The following CCL28 variants were observed in gnomAD, a reference collection of about 807,000 sequenced individuals.
The protein encoded by CCL28 is C-C motif chemokine 28.
In CCL28, 4 loss-of-function variants were observed where a neutral mutation model predicts 7.1. The ratio of observed to expected loss-of-function variants is 0.56; its 90% CI spans 0.28 to 1.29. CCL28 has a LOEUF of 1.29. Ranked by LOEUF, CCL28 falls within the 50% of genes most tolerant of loss-of-function variation. The pLI is 0.11. For missense variants in CCL28, 151 were observed against 163.4 expected (o/e 0.92, Z 0.41); for synonymous variants, 55 against 57.8 (o/e 0.95, Z 0.22).
intron 1 of CCL28, among the ~76,000 whole-genome samples, chr5:43,407,468 C>G (rs1449580709): frequency 6.6e-6 from 1 of 152,164 alleles, no homozygotes; most frequent in Admixed American, 6.5e-5. Flanking sequence ...GGATCCCTTC[C>G]TTACACCTTA....
At chr5:43,367,036 T>C in the CCL28 span, among the ~76,000 whole-genome samples, 1 of 152,256 alleles carries the variant, frequency 6.6e-6, no homozygotes, top group Admixed American at 6.5e-5. Flanking sequence ...GTTTACACTT[T>C]GTTTGCATGC....
the CCL28 span, among the ~76,000 whole-genome samples, chr5:43,365,000 G>A: frequency 7.5e-6 from 1 of 133,768 alleles, no homozygotes; most frequent in Non-Finnish European, 1.6e-5. Context: ...GATGGGTCTT[G>A]ACTCTTTTTT....
In CCL28 at chr5:43,397,568, TA is replaced by T. The variant is rs1214736436; in HGVS notation, c.65-9093del. On this transcript the variant is annotated intron_variant, in intron 1 of 2. Coordinates refer to ENST00000361115, the MANE Select transcript of CCL28 (RefSeq NM_148672.3). The stretch of plus-strand genomic sequence containing the variant: ...CGCCAAAAGAACTCCGTAATGAAGA[TA>T]AGCAATATTTGGATGCAATATTTTT... 4.6e-5 allele frequency among the ~76,000 whole-genome samples: 7 copies of T among 152,228 alleles called. No homozygotes were observed. The East Asian group carries it at 1.4e-3, about 29-fold the overall frequency.
chr5:43,375,330 C>T (rs71590642), downstream of CCL28, among the ~76,000 whole-genome samples: 1,686 of 138,090 alleles, frequency 0.012, 34 homozygotes, highest in East Asian at 0.079. Flanking sequence ...CCACTGCACT[C>T]CAGCCTGGGG....
At chr5:43,365,993 G>A in the CCL28 span, among the ~76,000 whole-genome samples, 1 of 152,092 alleles carries the variant, frequency 6.6e-6, no homozygotes, top group African/African-American at 2.4e-5. Context: ...AAGTTCTTGT[G>A]CTGTGTTTTT....
chr5:43,362,036 G>T, the CCL28 span, among the ~76,000 whole-genome samples: 8 of 152,196 alleles, frequency 5.3e-5, no homozygotes, highest in African/African-American at 1.7e-4. Flanking sequence ...TGTGAAGAAT[G>T]TCATTGGTAG....
the CCL28 span, among the ~76,000 whole-genome samples, chr5:43,365,602 A>G: frequency 1.3e-5 from 2 of 151,914 alleles, no homozygotes; most frequent in Non-Finnish European, 2.9e-5. Flanking sequence ...TTTTTCCTTC[A>G]TTTCAACCTT....
the CCL28 span, among the ~76,000 whole-genome samples, chr5:43,361,934 G>A: frequency 4.4e-5 from 5 of 112,670 alleles, no homozygotes; most frequent in East Asian, 5.9e-4. Flanking sequence ...GTAAAGTGAT[G>A]CCTCCAGCTT....
intron 1 of CCL28, among the ~76,000 whole-genome samples, chr5:43,407,612 G>A (rs1092676): frequency 2.0e-5 from 3 of 152,156 alleles, no homozygotes; most frequent in Non-Finnish European, 4.4e-5. Flanking sequence ...AACACCAAAA[G>A]CAATGGCAAC....
the CCL28 span, among the ~76,000 whole-genome samples, chr5:43,366,391 G>C: frequency 6.6e-6 from 1 of 152,206 alleles, no homozygotes; most frequent in African/African-American, 2.4e-5. Context: ...ATTCCTTTCT[G>C]TTTGTTAGTT....
chr5:43,402,904 C>T (rs1024160898), intron 1 of CCL28, among the ~76,000 whole-genome samples: 5 of 152,224 alleles, frequency 3.3e-5, no homozygotes, highest in Non-Finnish European at 5.9e-5. Flanking sequence ...CACAGAGCCT[C>T]GCTCACTGCT....
chr5:43,385,988 C>T (rs78865836), intron 2 of CCL28, among the ~76,000 whole-genome samples: 5,939 of 152,198 alleles, frequency 0.039, 364 homozygotes, highest in African/African-American at 0.13. Flanking sequence ...TCTTATACAC[C>T]CACAGAAACT....
At chr5:43,360,700 T>C in the CCL28 span, among the ~76,000 whole-genome samples, 8 of 152,206 alleles carry the variant, frequency 5.3e-5, no homozygotes, top group African/African-American at 1.9e-4. Context: ...CTTTTTTTCA[T>C]ATGCCTATTG....
At chr5:43,407,194 A>G (rs1315005389) in intron 1 of CCL28, among the ~76,000 whole-genome samples, 1 of 152,238 alleles carries the variant, frequency 6.6e-6, no homozygotes, top group Non-Finnish European at 1.5e-5. Context: ...GACAATCCTA[A>G]GCAAAACAGA....
chr5:43,379,519 T>C lies in CCL28; in HGVS notation c.*2341A>G, dbSNP rs1397262097. On this transcript the variant is annotated 3_prime_UTR_variant, in exon 3 of 3. Transcript: ENST00000361115. ...AATATAAATACAAAGCTTGCAGAAATGTCAGGAAAATAAATAAATTAAATG... is the reference window on the plus strand; with the variant it reads ...AATATAAATACAAAGCTTGCAGAAACGTCAGGAAAATAAATAAATTAAATG... 1.3e-5 allele frequency: 2 copies of C among 152,132 alleles called. No individual in the cohort carries two copies. Among genetic ancestry groups the C allele is most frequent in the Non-Finnish European group, 1.5e-5 (1 of 68,026 alleles). 9.4% of individuals were successfully genotyped at this position (152,132 alleles called of 1,614,324 possible).
the CCL28 span, among the ~76,000 whole-genome samples, chr5:43,367,407 T>C: frequency 0.51 from 76,926 of 151,918 alleles, 20,001 homozygotes; most frequent in Middle Eastern, 0.62. Context: ...GTGAAGACTG[T>C]GGGAAAAGCG....
At chr5:43,398,478 G>T (rs1315080157) in intron 1 of CCL28, among the ~76,000 whole-genome samples, 5 of 152,140 alleles carry the variant, frequency 3.3e-5, no homozygotes, top group African/African-American at 4.8e-5. Context: ...GGACCTCTCT[G>T]CTGTATTTAA....
chr5:43,371,121 T>C, the CCL28 span, among the ~76,000 whole-genome samples: 1 of 152,178 alleles, frequency 6.6e-6, no homozygotes, highest in Non-Finnish European at 1.5e-5. Context: ...TGGAGGAACA[T>C]ATAAGTTACA....
intron 2 of CCL28, among the ~76,000 whole-genome samples, chr5:43,386,169 C>T (rs1255692403): frequency 6.6e-6 from 1 of 152,366 alleles, no homozygotes; most frequent in East Asian, 1.9e-4. Flanking sequence ...TTTAGTGCAG[C>T]TGTGTCCACT....
Sources: gnomAD v4.1 joint callset for allele counts (sites outside exome capture counted in the v4.1 genomes callset) on GRCh38, gnomAD v4.1.1 for gene constraint, MANE v1.5 for transcripts, NCBI Gene and HGNC (gene_info 2026-07-23, HGNC 2026-07-21) for gene names.